ZBTB20: variants seen among roughly 807,000 people sequenced by gnomAD.
The protein encoded by ZBTB20 is zinc finger and BTB domain containing 20.
ZBTB20 carries 9 observed loss-of-function variants against 56.9 expected under a neutral mutation model. That is an observed-to-expected ratio of 0.16 (90% CI 0.10 to 0.28). The LOEUF is 0.28. Among genes scored for constraint, ZBTB20 ranks in the 10% least tolerant of loss-of-function variants. The probability of loss-of-function intolerance (pLI) is 1.00; values close to 1 mark genes in which losing one functional copy is unlikely to be tolerated. For missense variants in ZBTB20, 655 were observed against 1,003.0 expected (o/e 0.65, Z 4.69); for synonymous variants, 417 against 420.7 (o/e 0.99, Z 0.11).
At chr3:114,463,534 C>T (rs2092417774) in intron 7 of ZBTB20, among the ~76,000 whole-genome samples, 1 of 152,128 alleles carries the variant, frequency 6.6e-6, no homozygotes, top group Admixed American at 6.5e-5. Context: ...TGAACATATT[C>T]CCTAAGTAAG....
chr3:115,130,080 T>C (rs1321235163), intron 1 of ZBTB20, among the ~76,000 whole-genome samples: 1 of 152,196 alleles, frequency 6.6e-6, no homozygotes, highest in Non-Finnish European at 1.5e-5. Flanking sequence ...TCAACATTAT[T>C]TTACTTGACT....
chr3:114,827,390 C>T (rs1021595910), intron 4 of ZBTB20, among the ~76,000 whole-genome samples: 4 of 151,800 alleles, frequency 2.6e-5, no homozygotes, highest in African/African-American at 9.7e-5. Flanking sequence ...GACAAAGGTA[C>T]TACAATTCAG....
intron 6 of ZBTB20, among the ~76,000 whole-genome samples, chr3:114,691,303 A>G (rs892257990): frequency 6.6e-6 from 1 of 152,162 alleles, no homozygotes; most frequent in African/African-American, 2.4e-5. Context: ...ACTAAATACT[A>G]CAATGTCTGG....
chr3:114,738,710 C>T lies in ZBTB20; in HGVS notation c.-342-45135G>A, dbSNP rs535216906. ...AAAATTTGTAAAAGACTCCCTATTCCGATAAATCCTATAGTGTCAATTAAG... is the reference window on the plus strand; with the variant it reads ...AAAATTTGTAAAAGACTCCCTATTCTGATAAATCCTATAGTGTCAATTAAG... On this transcript the variant is annotated intron_variant, in intron 5 of 11. Transcript: ENST00000675478. Among the ~76,000 whole-genome samples the T allele has an allele frequency of 5.8e-4, 89 of 152,196 alleles. No homozygotes were observed. In the South Asian group the frequency reaches 0.016, roughly 27 times the overall value.
In ZBTB20 at chr3:114,468,415, T is replaced by C. The variant is rs189929518; in HGVS notation, c.-255+31937A>G. Among the ~76,000 whole-genome samples the C allele has an allele frequency of 3.4e-3, 515 of 152,292 alleles. 4 individuals carry two copies. Among genetic ancestry groups the C allele is most frequent in the African/African-American group, 0.012 (482 of 41,554 alleles). Reference sequence around the variant, plus strand: ...TTACTTATTCACTTATTTGTTTATATTTTTTGTATATGTACATATTTTTCT... The same window carrying C: ...TTACTTATTCACTTATTTGTTTATACTTTTTGTATATGTACATATTTTTCT... On this transcript the variant is annotated intron_variant, in intron 7 of 11. Coordinates refer to ENST00000675478, the MANE Select transcript of ZBTB20 (RefSeq NM_001348800.3).
intron 1 of ZBTB20, among the ~76,000 whole-genome samples, chr3:115,127,152 T>C (rs757108222): frequency 6.6e-6 from 1 of 152,344 alleles, no homozygotes; most frequent in Non-Finnish European, 1.5e-5. Flanking sequence ...GTTATCTATC[T>C]AGTCATTTCC....
intron 2 of ZBTB20, among the ~76,000 whole-genome samples, chr3:115,048,156 C>T (rs970922446): frequency 6.6e-6 from 1 of 151,964 alleles, no homozygotes; most frequent in African/African-American, 2.4e-5. Flanking sequence ...ACCCGGGAGG[C>T]GGAGCTTGCA....
chr3:115,090,305 C>G (rs2083139569), intron 1 of ZBTB20, among the ~76,000 whole-genome samples: 1 of 151,584 alleles, frequency 6.6e-6, no homozygotes, highest in South Asian at 2.1e-4. Flanking sequence ...CTTATGTAAA[C>G]TAAAGTTTGA....
At chr3:114,787,364 T>TACACAC (rs1181356405) in intron 5 of ZBTB20, among the ~76,000 whole-genome samples, 1 of 99,582 alleles carries the variant, frequency 1.0e-5, no homozygotes, top group African/African-American at 5.5e-5. Context: ...TATATATATA[T>TACACAC]ATATACACAC....
At chr3:114,493,363 C>T (rs2042943142) in intron 7 of ZBTB20, among the ~76,000 whole-genome samples, 1 of 152,144 alleles carries the variant, frequency 6.6e-6, no homozygotes, top group Admixed American at 6.5e-5. Flanking sequence ...AGGTGTTGTA[C>T]AGTTATGTTT....
At chr3:114,787,457 ATATACATATATATCCATTTATATGACACG>A (rs933437165) in intron 5 of ZBTB20, among the ~76,000 whole-genome samples, 5 of 150,478 alleles carry the variant, frequency 3.3e-5, no homozygotes, top group South Asian at 2.1e-4. Context: ...ATATACACAT[ATATACATATATATCCATTTATATGACACG>A]TATACATATA....
intron 7 of ZBTB20, among the ~76,000 whole-genome samples, chr3:114,435,313 T>A (rs1349297248): frequency 6.6e-6 from 1 of 152,214 alleles, no homozygotes; most frequent in African/African-American, 2.4e-5. Context: ...TGGTACACGT[T>A]TGGCACTGTT....
chr3:115,138,578 T>G (rs1342484963), intron 1 of ZBTB20, among the ~76,000 whole-genome samples: 1 of 152,086 alleles, frequency 6.6e-6, no homozygotes, highest in East Asian at 1.9e-4. Context: ...GCTTAGGTTC[T>G]CCAGAGCTGT....
In ZBTB20 at chr3:114,320,089, C is replaced by G. The variant is rs1471226842; in HGVS notation, c.*18916G>C. 2 of 152,044 alleles carry G rather than the reference C, an allele frequency of 1.3e-5. No individual in the cohort carries two copies. The highest frequency in any genetic ancestry group is 3.9e-4 in the East Asian group (2 of 5,194). 9.4% of individuals were successfully genotyped at this position (152,044 alleles called of 1,614,324 possible). A position where few individuals can be genotyped will look rare whatever the true frequency, so the allele number is the denominator to read the frequency against. ...CCATCCCCATTGAACTACCAGGTTC[C>G]TTTTATATTTTCAGCATTGTAGTTT... On this transcript the variant is annotated 3_prime_UTR_variant, in exon 12 of 12. Coordinates refer to ENST00000675478, the MANE Select transcript of ZBTB20 (RefSeq NM_001348800.3).
At chr3:115,076,858 G>A (rs990172447) in intron 1 of ZBTB20, among the ~76,000 whole-genome samples, 1 of 152,170 alleles carries the variant, frequency 6.6e-6, no homozygotes. Context: ...GGATGGTTTT[G>A]GGATGAAACT....
chr3:114,681,861 C>A (rs187414496), intron 6 of ZBTB20, among the ~76,000 whole-genome samples: 1 of 152,206 alleles, frequency 6.6e-6, no homozygotes, highest in East Asian at 1.9e-4. Context: ...AGCCTATAGC[C>A]CACAGAGTTT....
chr3:114,446,531 C>A (rs976022444), intron 7 of ZBTB20, among the ~76,000 whole-genome samples: 2 of 152,132 alleles, frequency 1.3e-5, no homozygotes, highest in African/African-American at 2.4e-5. Flanking sequence ...CAGAAAAACT[C>A]AGATTTTCTG....
chr3:114,671,321 G>GC (rs1316025721), intron 6 of ZBTB20, among the ~76,000 whole-genome samples: 2 of 151,992 alleles, frequency 1.3e-5, no homozygotes, highest in Non-Finnish European at 2.9e-5. Context: ...CACTTGCGCA[G>GC]CCCCCCTTCC....
At chr3:114,584,096 G>GT (rs2054927541) in intron 6 of ZBTB20, among the ~76,000 whole-genome samples, 1 of 152,092 alleles carries the variant, frequency 6.6e-6, no homozygotes, top group African/African-American at 2.4e-5. Flanking sequence ...ATCATGAGGT[G>GT]TTTTTCTTCT....
Sources: allele counts gnomAD v4.1 joint callset (sites outside exome capture counted in the v4.1 genomes callset), GRCh38; gene constraint gnomAD v4.1.1; transcripts MANE v1.5; gene names NCBI Gene and HGNC (gene_info 2026-07-23, HGNC 2026-07-21).